Variants in CNTNAP2 observed in about 807,000 individuals in gnomAD.
CNTNAP2 encodes the protein contactin associated protein 2.
In CNTNAP2, 98 loss-of-function variants were observed where a neutral mutation model predicts 155.2. The observed-to-expected ratio is 0.63, with a 90% CI of 0.54 to 0.75. The LOEUF is 0.75. Among genes scored for constraint, CNTNAP2 ranks in the 30% least tolerant of loss-of-function variants. CNTNAP2 has a pLI of 0.00. For synonymous variants in CNTNAP2, 651 were observed against 631.2 expected, an observed-to-expected ratio of 1.03 and a Z score of -0.47; for missense variants, 1,727 against 1,688.1, an observed-to-expected ratio of 1.02 and a Z score of -0.40.
chr7:147,480,482 A>G (rs1234430975), intron 10 of CNTNAP2, among the ~76,000 whole-genome samples: 1 of 152,238 alleles, frequency 6.6e-6, no homozygotes, highest in East Asian at 1.9e-4. Flanking sequence ...ACTTGATTTT[A>G]TGAAGAAGTG....
chr7:148,400,518 C>T (rs1371616907), intron 22 of CNTNAP2, among the ~76,000 whole-genome samples: 8 of 152,160 alleles, frequency 5.3e-5, no homozygotes, highest in Admixed American at 5.2e-4. Context: ...CCAGTGTTTA[C>T]AGGAAATTGG....
intron 1 of CNTNAP2, among the ~76,000 whole-genome samples, chr7:146,430,053 G>A (rs915335944): frequency 1.3e-5 from 2 of 152,088 alleles, no homozygotes; most frequent in African/African-American, 4.8e-5. Context: ...AACCAACCTT[G>A]CATCCTAGGG....
intron 1 of CNTNAP2, among the ~76,000 whole-genome samples, chr7:146,215,428 G>C (rs1376408669): frequency 6.6e-6 from 1 of 151,890 alleles, no homozygotes; most frequent in African/African-American, 2.4e-5. Flanking sequence ...CACCTTATCA[G>C]GGTTAGCTCA....
At chr7:147,589,503 A>G (rs1170005458) in intron 12 of CNTNAP2, among the ~76,000 whole-genome samples, 1 of 152,144 alleles carries the variant, frequency 6.6e-6, no homozygotes, top group African/African-American at 2.4e-5. Context: ...AGAAGTAACC[A>G]GCAACCTGAA....
In CNTNAP2 at chr7:146,184,926, ATCTC is replaced by A. The variant is rs535463896; in HGVS notation, c.97+67957_97+67960del. On this transcript the variant is annotated intron_variant, in intron 1 of 23. Coordinates refer to ENST00000361727, the MANE Select transcript of CNTNAP2 (RefSeq NM_014141.6). The stretch of plus-strand genomic sequence containing the variant: ...TATTTTCTATTTTACAAGTGTCACT[ATCTC>A]TCTTTCCCTCCATATTCAGAGATGG... Among the ~76,000 whole-genome samples, 38 of 152,222 alleles carry A rather than the reference ATCTC, an allele frequency of 2.5e-4. 1 individual carries two copies. The highest frequency in any genetic ancestry group is 8.2e-4 in the African/African-American group (34 of 41,554).
intron 15 of CNTNAP2, among the ~76,000 whole-genome samples, chr7:148,057,950 C>CTTCTTA (rs138885680): frequency 3.5e-5 from 5 of 142,748 alleles, no homozygotes; most frequent in Admixed American, 7.1e-5. Context: ...CAGCTTCCAG[C>CTTCTTA]TTATTATTAT....
At chr7:148,090,356 C>T (rs1222409582) in intron 15 of CNTNAP2, among the ~76,000 whole-genome samples, 1 of 151,974 alleles carries the variant, frequency 6.6e-6, no homozygotes, top group African/African-American at 2.4e-5. Flanking sequence ...CAAACCATAC[C>T]TCTGATAAGG....
intron 8 of CNTNAP2, among the ~76,000 whole-genome samples, chr7:147,283,067 A>G (rs1305057895): frequency 6.6e-6 from 1 of 151,930 alleles, no homozygotes; most frequent in Non-Finnish European, 1.5e-5. Context: ...CATTAATGGC[A>G]TTGATAGCTA....
At chr7:146,363,509 T>C (rs1795114191) in intron 1 of CNTNAP2, among the ~76,000 whole-genome samples, 1 of 152,250 alleles carries the variant, frequency 6.6e-6, no homozygotes, top group Non-Finnish European at 1.5e-5. Context: ...GGTAGAATGA[T>C]GAAACTGTCA....
intron 1 of CNTNAP2, among the ~76,000 whole-genome samples, chr7:146,397,697 T>A (rs1050061181): frequency 1.3e-5 from 2 of 152,058 alleles, no homozygotes; most frequent in African/African-American, 4.8e-5. Flanking sequence ...CCCTCCAAAT[T>A]TATACCCATA....
intron 1 of CNTNAP2, among the ~76,000 whole-genome samples, chr7:146,626,324 G>A (rs1051161446): frequency 1.1e-4 from 17 of 152,042 alleles, no homozygotes; most frequent in African/African-American, 3.6e-4. Context: ...AAATCTATTG[G>A]TTTGCAAATC....
At chr7:148,094,480 G>C (rs1803921086) in intron 15 of CNTNAP2, among the ~76,000 whole-genome samples, 1 of 152,198 alleles carries the variant, frequency 6.6e-6, no homozygotes, top group African/African-American at 2.4e-5. Context: ...CTAATTATCT[G>C]TGATTAACTG....
intron 1 of CNTNAP2, among the ~76,000 whole-genome samples, chr7:146,296,008 T>A (rs972401243): frequency 5.3e-5 from 8 of 152,102 alleles, no homozygotes; most frequent in Non-Finnish European, 1.2e-4. Flanking sequence ...TAAGCATTAG[T>A]CAGGCTGTAT....
At chr7:147,775,338 A>AATATATATAAATATATATATTTATAAAT (rs1797560192) in intron 13 of CNTNAP2, among the ~76,000 whole-genome samples, 1 of 32,940 alleles carries the variant, frequency 3.0e-5, no homozygotes, top group Non-Finnish European at 5.0e-5. Flanking sequence ...TATATTTATA[A>AATATATATAAATATATATATTTATAAAT]ATATATATAT....
intron 1 of CNTNAP2, among the ~76,000 whole-genome samples, chr7:146,505,187 A>G (rs1797364789): frequency 6.6e-6 from 1 of 152,178 alleles, no homozygotes; most frequent in South Asian, 2.1e-4. Flanking sequence ...AGCTGGATGT[A>G]TGTGCCAGGG....
At chr7:146,479,971 T>A (rs1023233125) in intron 1 of CNTNAP2, among the ~76,000 whole-genome samples, 3 of 151,876 alleles carry the variant, frequency 2.0e-5, no homozygotes, top group Non-Finnish European at 4.4e-5. Flanking sequence ...TTTTAGTAGA[T>A]ACGGGGTTTC....
chr7:146,897,583 A>ATT (rs61317689), intron 3 of CNTNAP2, among the ~76,000 whole-genome samples: 2 of 146,982 alleles, frequency 1.4e-5, no homozygotes, highest in Non-Finnish European at 3.0e-5. Flanking sequence ...CAGTACGCAG[A>ATT]TTTTTTTTTT....
At chr7:147,659,564 C>A (rs1342335287) in intron 13 of CNTNAP2, among the ~76,000 whole-genome samples, 1 of 152,106 alleles carries the variant, frequency 6.6e-6, no homozygotes, top group Non-Finnish European at 1.5e-5. Flanking sequence ...ATGTGTGTTG[C>A]ATGGAGTTCT....
chr7:147,520,412 C>G (rs890296715), intron 11 of CNTNAP2, among the ~76,000 whole-genome samples: 1 of 152,128 alleles, frequency 6.6e-6, no homozygotes, highest in Admixed American at 6.6e-5. Flanking sequence ...TGTTTACTAC[C>G]ATTGCCCTGT....
Sources: gnomAD v4.1 joint callset for allele counts (sites outside exome capture counted in the v4.1 genomes callset) on GRCh38, gnomAD v4.1.1 for gene constraint, MANE v1.5 for transcripts, NCBI Gene and HGNC (gene_info 2026-07-23, HGNC 2026-07-21) for gene names.